Variants in SLC9A9 observed in about 807,000 individuals in gnomAD.
SLC9A9 encodes sodium/hydrogen exchanger 9.
A neutral mutation model predicts 77.8 loss-of-function variants in SLC9A9; 62 were observed. The observed-to-expected ratio is 0.80, with a 90% confidence interval of 0.65 to 0.98. The LOEUF is 0.98. Ranked by LOEUF, SLC9A9 falls within the 50% of genes least tolerant of loss-of-function variation. The pLI is 0.00. For missense variants in SLC9A9, 775 were observed against 774.9 expected, an observed-to-expected ratio of 1.00 and a Z score of 0.00; for synonymous variants, 320 against 283.5, an observed-to-expected ratio of 1.13 and a Z score of -1.29.
chr3:143,755,153 AAT>A (rs1393273727), intron 4 of SLC9A9, among the ~76,000 whole-genome samples: 9 of 152,286 alleles, frequency 5.9e-5, no homozygotes, highest in Admixed American at 5.9e-4. Flanking sequence ...GTGTTTGCAC[AAT>A]AGGTGATTTA....
At chr3:143,548,025 G>A (rs2036817664) in intron 9 of SLC9A9, among the ~76,000 whole-genome samples, 1 of 152,330 alleles carries the variant, frequency 6.6e-6, no homozygotes, top group African/African-American at 2.4e-5. Flanking sequence ...TACCTCTTAG[G>A]TAGAAAGGTA....
In SLC9A9 at chr3:143,266,603, T is replaced by C; in HGVS notation, c.*99A>G. ...TTCTCTCCAATTTATGCTCTTAATA[T>C]GTTTTCCAGCCTCTCCCCTGTACTG... is the stretch of plus-strand genomic sequence containing the variant. On this transcript the variant is annotated 3_prime_UTR_variant, in exon 16 of 16. Transcript: ENST00000316549. 6.7e-6 allele frequency: 8 copies of C among 1,199,318 alleles called. No homozygotes were observed. The highest frequency in any genetic ancestry group is 8.5e-6 in the Non-Finnish European group (7 of 819,396). 74.3% of individuals were successfully genotyped at this position (1,199,318 alleles called of 1,614,324 possible).
At chr3:143,690,106 T>C (rs1933412090) in intron 5 of SLC9A9, among the ~76,000 whole-genome samples, 1 of 151,964 alleles carries the variant, frequency 6.6e-6, no homozygotes, top group African/African-American at 2.4e-5. Context: ...GTGGGATATA[T>C]CCAAAGGCTA....
intron 12 of SLC9A9, among the ~76,000 whole-genome samples, chr3:143,457,262 C>T (rs1313472719): frequency 2.0e-5 from 3 of 152,122 alleles, no homozygotes; most frequent in Non-Finnish European, 4.4e-5. Context: ...AAGCAATTCT[C>T]CTGCCTTGGC....
chr3:143,350,891 A>C (rs1474875889), intron 14 of SLC9A9, among the ~76,000 whole-genome samples: 1 of 152,158 alleles, frequency 6.6e-6, no homozygotes, highest in South Asian at 2.1e-4. Flanking sequence ...CTATTAGTCA[A>C]ATTCCATCTT....
intron 6 of SLC9A9, among the ~76,000 whole-genome samples, chr3:143,582,912 C>T (rs570356557): frequency 1.3e-5 from 2 of 152,084 alleles, no homozygotes; most frequent in African/African-American, 4.8e-5. Context: ...TTTGGGAGGC[C>T]GAGGTGGGTG....
At chr3:143,672,144 C>T (rs1370456041) in intron 5 of SLC9A9, among the ~76,000 whole-genome samples, 1 of 152,076 alleles carries the variant, frequency 6.6e-6, no homozygotes, top group Non-Finnish European at 1.5e-5. Flanking sequence ...TTCTCTAAGC[C>T]AGCCCTGGTA....
intron 6 of SLC9A9, among the ~76,000 whole-genome samples, chr3:143,596,296 G>A (rs564291987): frequency 1.1e-4 from 17 of 152,298 alleles, no homozygotes; most frequent in African/African-American, 4.1e-4. Context: ...ACGTGTGTGT[G>A]TGTATGTGTG....
In SLC9A9 at chr3:143,651,670, G is replaced by C. The variant is rs113986789; in HGVS notation, c.755+585C>G. 7.5e-3 allele frequency among the ~76,000 whole-genome samples: 1,149 copies of C among 152,336 alleles called. 12 individuals are homozygous for C. Among genetic ancestry groups the C allele is most frequent in the Non-Finnish European group, 0.012 (818 of 68,030 alleles). ...TGGTAAGTGTCTAAAGGGGAGGTAA[G>C]GAAAGAGCACTGGCTCTCATCCCCC... On this transcript the variant is annotated intron_variant, in intron 6 of 15. Coordinates refer to ENST00000316549, the MANE Select transcript of SLC9A9 (RefSeq NM_173653.4).
intron 11 of SLC9A9, among the ~76,000 whole-genome samples, chr3:143,479,404 C>T (rs534163860): frequency 1.3e-5 from 2 of 151,156 alleles, no homozygotes; most frequent in East Asian, 3.9e-4. Flanking sequence ...AGCACCACCT[C>T]CCCTGCCTAA....
intron 2 of SLC9A9, among the ~76,000 whole-genome samples, chr3:143,812,379 T>C (rs2008892050): frequency 6.6e-6 from 1 of 152,184 alleles, no homozygotes; most frequent in Non-Finnish European, 1.5e-5. Context: ...TTAAATAAAT[T>C]ATGATATAAT....
intron 5 of SLC9A9, among the ~76,000 whole-genome samples, chr3:143,672,549 G>A (rs1018727088): frequency 2.0e-5 from 3 of 152,208 alleles, no homozygotes; most frequent in East Asian, 1.9e-4. Flanking sequence ...GTTCCACGAT[G>A]AATGAAAAAT....
chr3:143,581,773 T>A (rs2037458046), intron 6 of SLC9A9, among the ~76,000 whole-genome samples: 1 of 152,170 alleles, frequency 6.6e-6, no homozygotes, highest in South Asian at 2.1e-4. Flanking sequence ...ATGCCCGGGA[T>A]GGAACATGGG....
intron 5 of SLC9A9, among the ~76,000 whole-genome samples, chr3:143,684,134 C>T (rs550015074): frequency 1.3e-5 from 2 of 151,998 alleles, no homozygotes; most frequent in Admixed American, 6.6e-5. Flanking sequence ...TCCCACACCA[C>T]GAACAGTGTT....
At chr3:143,788,442 G>A (rs1272018291) in intron 4 of SLC9A9, among the ~76,000 whole-genome samples, 1 of 152,152 alleles carries the variant, frequency 6.6e-6, no homozygotes, top group African/African-American at 2.4e-5. Context: ...TGTAATCCCA[G>A]CACTTTGGGA....
chr3:143,355,915 C>T (rs1031613612), intron 14 of SLC9A9, among the ~76,000 whole-genome samples: 1 of 152,168 alleles, frequency 6.6e-6, no homozygotes, highest in African/African-American at 2.4e-5. Context: ...TTGTGTAAAT[C>T]TAGATCTTCA....
intron 4 of SLC9A9, among the ~76,000 whole-genome samples, chr3:143,739,338 G>A (rs1455209836): frequency 6.6e-6 from 1 of 152,014 alleles, no homozygotes; most frequent in Non-Finnish European, 1.5e-5. Context: ...CAGACACCAG[G>A]GAAAAGACCA....
chr3:143,801,496 GT>G (rs1201986951), intron 2 of SLC9A9, among the ~76,000 whole-genome samples: 2 of 152,018 alleles, frequency 1.3e-5, no homozygotes, highest in African/African-American at 4.8e-5. Flanking sequence ...CATTACCATT[GT>G]TCCTGGCCCA....
chr3:143,747,278 C>T (rs938495599), intron 4 of SLC9A9, among the ~76,000 whole-genome samples: 1 of 152,054 alleles, frequency 6.6e-6, no homozygotes, highest in African/African-American at 2.4e-5. Flanking sequence ...GTGGCAGGTG[C>T]CTGTAATCCC....
Sources: allele counts gnomAD v4.1 joint callset (sites outside exome capture counted in the v4.1 genomes callset), GRCh38; gene constraint gnomAD v4.1.1; transcripts MANE v1.5; gene names NCBI Gene and HGNC (gene_info 2026-07-23, HGNC 2026-07-21).